The following CPXM2 variants were observed in gnomAD, a reference collection of about 807,000 sequenced individuals.
The protein encoded by CPXM2 is inactive carboxypeptidase-like protein X2.
CPXM2 carries 66 observed loss-of-function variants against 86.1 expected under a neutral mutation model. The ratio of observed to expected loss-of-function variants is 0.77; its 90% confidence interval spans 0.63 to 0.94. CPXM2 has a LOEUF of 0.94. Among genes scored for constraint, CPXM2 ranks in the 40% least tolerant of loss-of-function variants. CPXM2 has a pLI of 0.00. For synonymous variants in CPXM2, 388 were observed against 400.2 expected (o/e 0.97, Z 0.36); for missense variants, 948 against 1,026.3 (o/e 0.92, Z 1.04).
intron 2 of CPXM2, among the ~76,000 whole-genome samples, chr10:123,878,453 G>T (rs556697648): frequency 6.6e-6 from 1 of 151,066 alleles, no homozygotes; most frequent in South Asian, 2.1e-4. Context: ...AGCAATCCTG[G>T]GTGGGCCAGT....
intron 11 of CPXM2, 103 bp from the exon 12 acceptor site, chr10:123,757,455 C>G (rs1417433743): frequency 2.0e-6 from 2 of 1,003,036 alleles, no homozygotes; most frequent in Middle Eastern, 2.2e-4. Flanking sequence ...ATTCGGAAGG[C>G]CTTGTTTAAA....
intron 2 of CPXM2, among the ~76,000 whole-genome samples, chr10:123,872,570 C>T (rs564625302): frequency 7.9e-4 from 120 of 152,196 alleles, no homozygotes; most frequent in African/African-American, 2.6e-3. Flanking sequence ...GACCTCAGAA[C>T]GAAAATATTT....
At chr10:123,851,896 C>T (rs1848606170) in intron 3 of CPXM2, among the ~76,000 whole-genome samples, 1 of 151,894 alleles carries the variant, frequency 6.6e-6, no homozygotes, top group Non-Finnish European at 1.5e-5. Flanking sequence ...CAGAGACACA[C>T]AGGCAGAGGA....
intron 3 of CPXM2, among the ~76,000 whole-genome samples, chr10:123,844,884 G>C (rs369060014): frequency 2.0e-5 from 3 of 151,948 alleles, no homozygotes; most frequent in African/African-American, 7.2e-5. Flanking sequence ...GGACTCAACA[G>C]GCAATTGCTT....
upstream of CPXM2, among the ~76,000 whole-genome samples, chr10:123,895,121 CTTTT>C (rs869104432): frequency 2.3e-5 from 2 of 85,892 alleles, no homozygotes; most frequent in Non-Finnish European, 4.5e-5. Context: ...TCTTTTTTTT[CTTTT>C]TTTTTTTTTT....
intron 4 of CPXM2, among the ~76,000 whole-genome samples, chr10:123,827,627 A>G (rs1280153136): frequency 6.6e-6 from 1 of 152,236 alleles, no homozygotes; most frequent in African/African-American, 2.4e-5. Flanking sequence ...CAACATGGTA[A>G]AGATGCTATC....
At chr10:123,905,136 G>A (rs539604838) in intron 2 of CPXM2, among the ~76,000 whole-genome samples, 3 of 152,186 alleles carry the variant, frequency 2.0e-5, no homozygotes, top group African/African-American at 7.2e-5. Flanking sequence ...ATGCTCTACC[G>A]CTGAGCTATA....
At position 123,891,636 on chromosome 10, in the gene CPXM2, G is replaced by A. The variant is rs1034919827; in HGVS notation, c.24C>T (p.Thr8=). MSRPGTA[T]PALALVLLAV... is the part of the protein sequence containing the mutation. ...CCAGGAGCACCAGGGCCAGCGCTGG[G>A]GTAGCGGTCCCCGGGCGGGACATGC... Residue 8 remains threonine, a synonymous_variant, in exon 1 of 14, where the codon ACC becomes ACT. Coordinates refer to ENST00000241305, the MANE Select transcript of CPXM2 (RefSeq NM_198148.3). The surrounding 1 kb of genome is among the most constrained non-coding windows in gnomAD (Gnocchi z 5.6). 89 of 1,458,702 alleles carry A rather than the reference G, an allele frequency of 6.1e-5. No individual in the cohort carries two copies. The highest frequency in any genetic ancestry group is 7.8e-5 in the Non-Finnish European group (86 of 1,105,100). The allele number at this position is 1,458,702 out of a possible 1,614,324, so 90.4% of individuals were successfully genotyped here.
intron 3 of CPXM2, among the ~76,000 whole-genome samples, chr10:123,858,942 C>G (rs61861896): frequency 0.023 from 3,503 of 152,320 alleles, 69 homozygotes; most frequent in South Asian, 0.088. Flanking sequence ...GAAGAGCCAG[C>G]GGTGGGACCT....
chr10:123,772,087 G>A (rs1021373820), intron 7 of CPXM2, among the ~76,000 whole-genome samples: 9 of 152,124 alleles, frequency 5.9e-5, no homozygotes, highest in Non-Finnish European at 4.4e-5. Context: ...TCAACTCCCT[G>A]GTTATGGTGA....
chr10:123,921,449 C>T (rs757285228), intron 2 of CPXM2, among the ~76,000 whole-genome samples: 2 of 152,188 alleles, frequency 1.3e-5, no homozygotes, highest in Non-Finnish European at 2.9e-5. Context: ...TTGATAAAAT[C>T]ATTGACTGAA....
intron 4 of CPXM2, among the ~76,000 whole-genome samples, chr10:123,836,933 G>A (rs1246954852): frequency 6.7e-6 from 1 of 148,852 alleles, no homozygotes; most frequent in African/African-American, 2.5e-5. Context: ...CTTTCCAGGT[G>A]AGCCCCTGTC....
chr10:123,760,493 C>T (rs896815974), intron 11 of CPXM2, among the ~76,000 whole-genome samples: 1 of 152,088 alleles, frequency 6.6e-6, no homozygotes, highest in Admixed American at 6.5e-5. Flanking sequence ...GCCAGGGAAA[C>T]AAGTATTTCT....
intron 2 of CPXM2, among the ~76,000 whole-genome samples, chr10:123,933,171 G>T (rs879680882): frequency 3.3e-5 from 5 of 152,174 alleles, no homozygotes; most frequent in Non-Finnish European, 7.3e-5. Flanking sequence ...TGAGGCCATC[G>T]CAAGGAAGGG....
upstream of CPXM2, among the ~76,000 whole-genome samples, chr10:123,892,206 C>G (rs1008417288): frequency 6.6e-6 from 1 of 152,188 alleles, no homozygotes; most frequent in Non-Finnish European, 1.5e-5. Context: ...GACCATTCCG[C>G]AGACGTGGAC....
intron 2 of CPXM2, among the ~76,000 whole-genome samples, chr10:123,918,375 A>G (rs1437040545): frequency 6.6e-6 from 1 of 152,240 alleles, no homozygotes; most frequent in Non-Finnish European, 1.5e-5. Context: ...ACTGGTTACA[A>G]CTAAAAACTC....
At chr10:123,799,785 A>T (rs1847414305) in intron 4 of CPXM2, among the ~76,000 whole-genome samples, 1 of 152,120 alleles carries the variant, frequency 6.6e-6, no homozygotes, top group South Asian at 2.1e-4. Flanking sequence ...ACCCAAATAA[A>T]TACCCCCATC....
chr10:123,778,964 A>G (rs904378419), intron 7 of CPXM2, among the ~76,000 whole-genome samples: 11 of 152,230 alleles, frequency 7.2e-5, no homozygotes, highest in Non-Finnish European at 1.2e-4. Flanking sequence ...GTGTGTGAGT[A>G]TCTCAAGTTA....
Position 123,871,759 on chromosome 10 carries a change from A to G in CPXM2, c.403+8452T>C, listed in dbSNP as rs191851886. Reference sequence around the variant, plus strand: ...TAAGAGCATTTATTATTCAAAAGACACTTCTACTAGAGTTAAAAAGTGAGC... The same window carrying G: ...TAAGAGCATTTATTATTCAAAAGACGCTTCTACTAGAGTTAAAAAGTGAGC... On this transcript the variant is annotated intron_variant, in intron 2 of 13. Transcript: ENST00000241305. Among the ~76,000 whole-genome samples, 11 of 152,002 alleles carry G rather than the reference A, an allele frequency of 7.2e-5. No individual in the cohort carries two copies. In the East Asian group the frequency reaches 2.1e-3, roughly 30 times the overall value.
Sources: gnomAD v4.1 joint callset for allele counts (sites outside exome capture counted in the v4.1 genomes callset) on GRCh38, gnomAD v4.1.1 for gene constraint, Gnocchi (gnomAD v3.1) non-coding constraint, MANE v1.5 for transcripts, NCBI Gene and HGNC (gene_info 2026-07-23, HGNC 2026-07-21) for gene names.